Variants in MIPEP observed in about 807,000 individuals in gnomAD.
The protein encoded by MIPEP is mitochondrial intermediate peptidase.
Under a neutral mutation model 90.3 loss-of-function variants are expected in MIPEP, and 79 were observed. The ratio of observed to expected loss-of-function variants is 0.87; its 90% confidence interval spans 0.73 to 1.05. MIPEP has a LOEUF of 1.05. Among genes scored for constraint, MIPEP ranks in the 50% least tolerant of loss-of-function variants. The pLI, the probability that MIPEP is intolerant of heterozygous loss-of-function variation, is 0.00. For synonymous variants in MIPEP, 334 were observed against 315.8 expected, an observed-to-expected ratio of 1.06 and a Z score of -0.61; for missense variants, 940 against 905.6, an observed-to-expected ratio of 1.04 and a Z score of -0.49.
intron 16 of MIPEP, among the ~76,000 whole-genome samples, chr13:23,779,814 C>T (rs941875905): frequency 1.3e-4 from 20 of 152,204 alleles, no homozygotes; most frequent in East Asian, 5.8e-4. Context: ...GATTATATCC[C>T]GCGCCTGGCT....
chr13:23,817,845 A>G (rs766884906), intron 14 of MIPEP, among the ~76,000 whole-genome samples: 1 of 152,222 alleles, frequency 6.6e-6, no homozygotes, highest in South Asian at 2.1e-4. Flanking sequence ...ATCAGTAAAC[A>G]TTCAGTGTTT....
chr13:23,764,848 T>C (rs1037173297), intron 16 of MIPEP, among the ~76,000 whole-genome samples: 3 of 152,230 alleles, frequency 2.0e-5, no homozygotes, highest in Admixed American at 6.5e-5. Flanking sequence ...TTAGCCACTG[T>C]GCTCAGCCAA....
chr13:23,836,674 TA>T (rs1445599438), intron 13 of MIPEP, among the ~76,000 whole-genome samples: 1 of 152,266 alleles, frequency 6.6e-6, no homozygotes, highest in Non-Finnish European at 1.5e-5. Context: ...ACATTTCTAA[TA>T]TTAATATAGC....
At chr13:23,824,711 CA>C (rs1953346092) in intron 14 of MIPEP, among the ~76,000 whole-genome samples, 1 of 152,114 alleles carries the variant, frequency 6.6e-6, no homozygotes. Flanking sequence ...GGCACATAAT[CA>C]ATAAAATAAA....
intron 16 of MIPEP, among the ~76,000 whole-genome samples, chr13:23,772,115 G>A (rs1952658842): frequency 6.6e-6 from 1 of 152,094 alleles, no homozygotes; most frequent in Admixed American, 6.5e-5. Context: ...GATAGCCCAG[G>A]GCTTGTGACA....
chr13:23,866,504 C>T (rs1344214582), intron 7 of MIPEP, among the ~76,000 whole-genome samples: 2 of 152,138 alleles, frequency 1.3e-5, no homozygotes, highest in African/African-American at 4.8e-5. Context: ...TCATGCCCAG[C>T]CCTCCTCACA....
At chr13:23,815,194 G>A (rs557641010) in intron 14 of MIPEP, among the ~76,000 whole-genome samples, 4 of 152,266 alleles carry the variant, frequency 2.6e-5, no homozygotes, top group African/African-American at 9.6e-5. Flanking sequence ...TACATACTCT[G>A]CAAATGTGAT....
At chr13:23,835,024 C>CTTTTTTTTTTTT (rs57093490) in intron 14 of MIPEP, among the ~76,000 whole-genome samples, 1 of 134,806 alleles carries the variant, frequency 7.4e-6, no homozygotes, top group Non-Finnish European at 1.5e-5. Flanking sequence ...ATCCATTATT[C>CTTTTTTTTTTTT]TTTTTTTTTT....
intron 16 of MIPEP, among the ~76,000 whole-genome samples, chr13:23,766,327 C>T (rs1462305071): frequency 3.3e-5 from 5 of 152,270 alleles, no homozygotes; most frequent in South Asian, 4.1e-4. Context: ...AAACAATGGG[C>T]TAGTAATACT....
intron 6 of MIPEP, 106 bp downstream of exon 6, chr13:23,869,907 C>G: frequency 2.3e-6 from 2 of 855,454 alleles, no homozygotes; most frequent in South Asian, 7.1e-5. Context: ...CTTAGTAATG[C>G]TAAAAAGTTT....
chr13:23,818,334 C>T (rs1369595530), intron 14 of MIPEP, among the ~76,000 whole-genome samples: 1 of 151,926 alleles, frequency 6.6e-6, no homozygotes, highest in East Asian at 1.9e-4. Flanking sequence ...GCATGAGAAT[C>T]GCTGGAACGC....
chr13:23,798,856 C>A (rs1035611314), intron 16 of MIPEP, among the ~76,000 whole-genome samples: 1 of 152,116 alleles, frequency 6.6e-6, no homozygotes, highest in Non-Finnish European at 1.5e-5. Context: ...CCTGTACAGC[C>A]TGCAAAAACC....
At chr13:23,744,009 T>C (rs1381761241) in intron 18 of MIPEP, among the ~76,000 whole-genome samples, 2 of 152,254 alleles carry the variant, frequency 1.3e-5, no homozygotes, top group South Asian at 2.1e-4. Flanking sequence ...GTCATAATCC[T>C]AGAGCTAACT....
intron 5 of MIPEP, among the ~76,000 whole-genome samples, chr13:23,870,712 C>T (rs888713329): frequency 2.6e-5 from 4 of 151,872 alleles, no homozygotes; most frequent in South Asian, 2.1e-4. Context: ...GGCTGAGGCA[C>T]GAGAATCGCT....
At chr13:23,884,828 A>C (rs1303660171) in intron 2 of MIPEP, among the ~76,000 whole-genome samples, 1 of 152,222 alleles carries the variant, frequency 6.6e-6, no homozygotes, top group Non-Finnish European at 1.5e-5. Context: ...CATTGACTGA[A>C]TGTGAGGGAA....
At chr13:23,886,026 A>T (rs1366753097) in intron 2 of MIPEP, among the ~76,000 whole-genome samples, 5 of 151,862 alleles carry the variant, frequency 3.3e-5, no homozygotes, top group Non-Finnish European at 7.4e-5. Flanking sequence ...ATGAATATAT[A>T]TGTAAATATA....
intron 16 of MIPEP, among the ~76,000 whole-genome samples, chr13:23,804,709 G>A (rs1593164055): frequency 1.3e-5 from 2 of 152,124 alleles, no homozygotes; most frequent in Admixed American, 6.6e-5. Flanking sequence ...TGGTAAATAC[G>A]ATCTCTTCCC....
In MIPEP at chr13:23,831,386, G is replaced by GGGGGGC. The variant is rs1555237545; in HGVS notation, c.1653+4853_1653+4854insGCCCCC. 1.3e-4 allele frequency among the ~76,000 whole-genome samples: 9 copies of GGGGGGC among 69,416 alleles called. 1 individual carries two copies. The highest frequency in any genetic ancestry group is 5.7e-4 in the Admixed American group (3 of 5,218). The allele number at this position is 69,416 out of a possible 152,430, so 45.5% of individuals were successfully genotyped here. ...GGACAGCCTAGCTTCCCCATGGCGG[G>GGGGGGC]GGGGGGATGTGGATGGGAATTGCCT... is the stretch of plus-strand genomic sequence containing the variant. On this transcript the variant is annotated intron_variant, in intron 14 of 18. Coordinates refer to ENST00000382172, the MANE Select transcript of MIPEP (RefSeq NM_005932.4).
intron 16 of MIPEP, among the ~76,000 whole-genome samples, chr13:23,775,109 C>CTCTGTGTGTGTG (rs1375320068): frequency 2.0e-5 from 3 of 149,200 alleles, no homozygotes; most frequent in African/African-American, 7.4e-5. Flanking sequence ...TATCAGTTCT[C>CTCTGTGTGTGTG]TGTGTGTGTG....
Sources: allele counts gnomAD v4.1 joint callset (sites outside exome capture counted in the v4.1 genomes callset), GRCh38; gene constraint gnomAD v4.1.1; transcripts MANE v1.5; gene names NCBI Gene and HGNC (gene_info 2026-07-23, HGNC 2026-07-21).